The following DEUP1 variants were observed in gnomAD, a reference collection of about 807,000 sequenced individuals.
DEUP1 encodes the protein deuterosome assembly protein 1.
In DEUP1, 82 loss-of-function variants were observed where a neutral mutation model predicts 87.4. The observed-to-expected ratio is 0.94, with a 90% CI of 0.78 to 1.13. The LOEUF (loss-of-function observed/expected upper bound fraction) is 1.13, where lower values mean the gene tolerates loss of function less well. Ranked by LOEUF, DEUP1 falls within the 50% of genes most tolerant of loss-of-function variation. DEUP1 has a pLI of 0.00. For synonymous variants in DEUP1, 214 were observed against 222.7 expected (o/e 0.96, Z 0.35); for missense variants, 663 against 681.5 (o/e 0.97, Z 0.30).
chr11:93,431,810 A>G (rs1394703306), intron 13 of DEUP1, among the ~76,000 whole-genome samples: 1 of 152,154 alleles, frequency 6.6e-6, no homozygotes, highest in Non-Finnish European at 1.5e-5. Flanking sequence ...GTGGGAGAAA[A>G]GAGTGATTAA....
At position 93,347,984 on chromosome 11, in the gene DEUP1, C is replaced by G. The variant is rs58066241; in HGVS notation, c.30-7387C>G. On this transcript the variant is annotated intron_variant, in intron 2 of 13. Transcript: ENST00000298050. ...CTCCATCTCCTGACCTTGTGACCCG[C>G]CCACCTCAGCCTCCCAAAGCGCCGG... 7.5e-3 allele frequency among the ~76,000 whole-genome samples: 1,145 copies of G among 152,288 alleles called. 15 individuals are homozygous for G. The highest frequency in any genetic ancestry group is 0.027 in the African/African-American group (1,104 of 41,570).
At chr11:93,370,254 C>A in intron 6 of DEUP1, 68 bp downstream of exon 6, 3 of 805,870 alleles carry the variant, frequency 3.7e-6, no homozygotes, top group Non-Finnish European at 4.0e-6. Context: ...TACCATTCAC[C>A]AGTAATCTAT....
intron 2 of DEUP1, among the ~76,000 whole-genome samples, chr11:93,334,634 A>C (rs1291750007): frequency 6.6e-6 from 1 of 151,828 alleles, no homozygotes; most frequent in African/African-American, 2.4e-5. Flanking sequence ...GAAAGTGCCA[A>C]GGCCTATGGT....
intron 2 of DEUP1, among the ~76,000 whole-genome samples, chr11:93,332,724 G>T (rs558946325): frequency 3.3e-5 from 5 of 152,212 alleles, no homozygotes; most frequent in Admixed American, 2.6e-4. Flanking sequence ...ACATCATCAA[G>T]AACTAGATAT....
chr11:93,369,054 A>G (rs1945570492), intron 5 of DEUP1, among the ~76,000 whole-genome samples: 1 of 152,110 alleles, frequency 6.6e-6, no homozygotes, highest in African/African-American at 2.4e-5. Context: ...ACAGAGCCAA[A>G]CCATATCCCC....
At chr11:93,435,326 C>G (rs1181257450) in intron 13 of DEUP1, among the ~76,000 whole-genome samples, 3 of 152,100 alleles carry the variant, frequency 2.0e-5, no homozygotes, top group Non-Finnish European at 4.4e-5. Flanking sequence ...CTGGATTACC[C>G]TTGGTGAAAG....
At chr11:93,402,392 T>A (rs990449884) in intron 11 of DEUP1, among the ~76,000 whole-genome samples, 1 of 152,072 alleles carries the variant, frequency 6.6e-6, no homozygotes, top group African/African-American at 2.4e-5. Flanking sequence ...AGGGGAACCC[T>A]CATACACTGT....
chr11:93,429,885 T>C (rs1948049550), intron 13 of DEUP1, among the ~76,000 whole-genome samples: 1 of 152,160 alleles, frequency 6.6e-6, no homozygotes, highest in African/African-American at 2.4e-5. Flanking sequence ...TTCTAGGAAC[T>C]GGGCATGGGG....
intron 13 of DEUP1, among the ~76,000 whole-genome samples, chr11:93,417,054 C>A (rs561930103): frequency 3.8e-4 from 58 of 150,736 alleles, no homozygotes; most frequent in South Asian, 2.3e-3. Context: ...CTATCTATGA[C>A]AAACCCATAG....
chr11:93,437,450 T>C (rs573193128), intron 13 of DEUP1, 93 bp from the exon 14 acceptor site: 33 of 920,174 alleles, frequency 3.6e-5, no homozygotes, highest in Non-Finnish European at 5.1e-5. Context: ...CTGCGGTGTT[T>C]GACAGTATGT....
intron 9 of DEUP1, among the ~76,000 whole-genome samples, chr11:93,393,204 C>T (rs1946827673): frequency 6.6e-6 from 1 of 151,830 alleles, no homozygotes; most frequent in African/African-American, 2.4e-5. Context: ...CCTCCCACCC[C>T]AGTGCCCCTT....
At chr11:93,402,026 A>C (rs554481671) in intron 11 of DEUP1, among the ~76,000 whole-genome samples, 1 of 152,132 alleles carries the variant, frequency 6.6e-6, no homozygotes, top group South Asian at 2.1e-4. Flanking sequence ...CAAGCTGAAA[A>C]GCTTCTGCAC....
intron 13 of DEUP1, among the ~76,000 whole-genome samples, chr11:93,415,689 G>C (rs1217968651): frequency 2.0e-5 from 3 of 151,558 alleles, no homozygotes; most frequent in South Asian, 2.1e-4. Flanking sequence ...TTATCGATTT[G>C]TTTTGCCAAC....
chr11:93,391,023 A>C (rs1179223167), intron 9 of DEUP1, among the ~76,000 whole-genome samples: 1 of 149,656 alleles, frequency 6.7e-6, no homozygotes, highest in Non-Finnish European at 1.5e-5. Context: ...CGGAGGTTGC[A>C]GTGAGCCGAG....
chr11:93,397,745 T>G (rs1029428666), intron 11 of DEUP1, among the ~76,000 whole-genome samples: 1 of 152,180 alleles, frequency 6.6e-6, no homozygotes, highest in Non-Finnish European at 1.5e-5. Context: ...TGCTTGCATA[T>G]GCACACATAA....
intron 2 of DEUP1, among the ~76,000 whole-genome samples, chr11:93,341,794 A>T (rs1314367290): frequency 6.6e-6 from 1 of 152,126 alleles, no homozygotes; most frequent in Non-Finnish European, 1.5e-5. Flanking sequence ...TTAAAACCAA[A>T]ATTTATTCAC....
rs1946406882 is a variant in DEUP1, at chr11:93,383,689, T to C, written c.790-1709T>C. The C allele has an allele frequency of 8.6e-6, 5 of 583,100 alleles. No homozygotes were observed. In the South Asian group the frequency reaches 1.2e-4, roughly 14 times the overall value. 36.1% of individuals were successfully genotyped at this position (583,100 alleles called of 1,614,324 possible). On this transcript the variant is annotated intron_variant, in intron 7 of 13. Transcript: ENST00000298050. ...TATTTCAATGAATATTCAGTATATC[T>C]ATATATTAAGAATTATTGAACAAAC...
In DEUP1 at chr11:93,376,208, C is replaced by T. The variant is rs528925698; in HGVS notation, c.789+4928C>T. ...ATCTGCCCGCCTTGGCCTGCCAAAGCGCTGGCATTACAGGCATGAGCCACT... is the reference window on the plus strand; with the variant it reads ...ATCTGCCCGCCTTGGCCTGCCAAAGTGCTGGCATTACAGGCATGAGCCACT... On this transcript the variant is annotated intron_variant, in intron 7 of 13. Transcript: ENST00000298050. Among the ~76,000 whole-genome samples, 14 of 152,186 alleles carry T rather than the reference C, an allele frequency of 9.2e-5. 1 individual carries two copies. Among genetic ancestry groups the T allele is most frequent in the East Asian group, 3.9e-4 (2 of 5,164 alleles).
chr11:93,388,418 T>C (rs1477897591), intron 8 of DEUP1, among the ~76,000 whole-genome samples: 1 of 152,218 alleles, frequency 6.6e-6, no homozygotes, highest in Non-Finnish European at 1.5e-5. Flanking sequence ...GTGAACATTA[T>C]CTGCTTAGAC....
Sources: allele counts gnomAD v4.1 joint callset (sites outside exome capture counted in the v4.1 genomes callset), GRCh38; gene constraint gnomAD v4.1.1; transcripts MANE v1.5; gene names NCBI Gene and HGNC (gene_info 2026-07-23, HGNC 2026-07-21).